CSNK1G3: variants seen among roughly 807,000 people sequenced by gnomAD.
CSNK1G3 encodes the protein casein kinase 1 gamma 3, also known as casein kinase I isoform gamma-3.
A neutral mutation model predicts 64.3 loss-of-function variants in CSNK1G3; 23 were observed. That is an observed-to-expected ratio of 0.36 (90% CI 0.26 to 0.51). The LOEUF is 0.51. Ranked by LOEUF, CSNK1G3 falls within the 20% of genes least tolerant of loss-of-function variation. The probability of loss-of-function intolerance (pLI) is 0.96; values close to 1 mark genes in which losing one functional copy is unlikely to be tolerated. For missense variants in CSNK1G3, 357 were observed against 510.5 expected, an observed-to-expected ratio of 0.70 and a Z score of 2.90; for synonymous variants, 158 against 162.2, an observed-to-expected ratio of 0.97 and a Z score of 0.20.
intron 1 of CSNK1G3, among the ~76,000 whole-genome samples, chr5:123,541,204 G>T (rs557405484): frequency 6.6e-6 from 1 of 151,674 alleles, no homozygotes; most frequent in Non-Finnish European, 1.5e-5. Flanking sequence ...TTTTAGTTTT[G>T]TTTTGCCTCG....
intron 1 of CSNK1G3, among the ~76,000 whole-genome samples, chr5:123,540,642 TA>T (rs1397843049): frequency 6.6e-5 from 10 of 152,182 alleles, no homozygotes; most frequent in African/African-American, 2.4e-4. Flanking sequence ...AATTATTTTT[TA>T]TTTTTTTGAG....
At chr5:123,585,381 GGAT>G (rs1430826911) in intron 6 of CSNK1G3, among the ~76,000 whole-genome samples, 4 of 151,832 alleles carry the variant, frequency 2.6e-5, no homozygotes, top group Non-Finnish European at 1.5e-5. Flanking sequence ...AGAAAAAACA[GGAT>G]AAAATCTTTG....
rs2151290434 is a variant in CSNK1G3, at chr5:123,614,190, A to G, written c.1218-152A>G. 3 of 597,516 alleles carry G rather than the reference A, an allele frequency of 5.0e-6. No homozygotes were observed. In the South Asian group the frequency reaches 7.3e-5, roughly 15 times the overall value. The allele number at this position is 597,516 out of a possible 1,614,324, so 37.0% of individuals were successfully genotyped here. ...AACATAATAGTAATAGCTCTGCCATATTTTCACTAATACGTATGCTTCATT... is the reference window on the plus strand; with the variant it reads ...AACATAATAGTAATAGCTCTGCCATGTTTTCACTAATACGTATGCTTCATT... On this transcript the variant is annotated intron_variant, in intron 12 of 12. Coordinates refer to ENST00000345990, the Ensembl canonical transcript of CSNK1G3.
At chr5:123,574,145 G>A (rs184044301) in intron 5 of CSNK1G3, among the ~76,000 whole-genome samples, 111 of 152,148 alleles carry the variant, frequency 7.3e-4, no homozygotes, top group African/African-American at 2.5e-3. Flanking sequence ...CACCGTGCCG[G>A]GCCAGAAACA....
At chr5:123,575,313 T>G (rs1327360316) in intron 5 of CSNK1G3, among the ~76,000 whole-genome samples, 1 of 152,216 alleles carries the variant, frequency 6.6e-6, no homozygotes, top group Non-Finnish European at 1.5e-5. Context: ...TTAAGTTTCT[T>G]TAATATACTT....
At chr5:123,548,586 A>G (rs998771394) in intron 2 of CSNK1G3, among the ~76,000 whole-genome samples, 2 of 151,752 alleles carry the variant, frequency 1.3e-5, no homozygotes, top group Admixed American at 6.6e-5. Context: ...TTTTATCTGG[A>G]TTCTGTTTTT....
chr5:123,565,850 A>G (rs745389974), intron 4 of CSNK1G3, among the ~76,000 whole-genome samples: 16 of 152,176 alleles, frequency 1.1e-4, no homozygotes, highest in Non-Finnish European at 2.4e-4. Context: ...TAAGAACTCA[A>G]AATCATGAGA....
At chr5:123,547,525 G>T (rs1264780588) in intron 2 of CSNK1G3, among the ~76,000 whole-genome samples, 1 of 152,076 alleles carries the variant, frequency 6.6e-6, no homozygotes, top group Non-Finnish European at 1.5e-5. Context: ...ATGAGAAACT[G>T]TATGTACCAT....
intron 12 of CSNK1G3, among the ~76,000 whole-genome samples, chr5:123,612,479 A>AT (rs200373188): frequency 0.012 from 1,676 of 138,412 alleles, 14 homozygotes; most frequent in Non-Finnish European, 0.017. Flanking sequence ...ACTTGAAGCT[A>AT]TTTTTTTTTT....
chr5:123,566,760 G>T (rs1402956499), intron 4 of CSNK1G3, among the ~76,000 whole-genome samples: 1 of 151,778 alleles, frequency 6.6e-6, no homozygotes, highest in Non-Finnish European at 1.5e-5. Flanking sequence ...GTTTTTCTTT[G>T]TGGTCCTAGA....
chr5:123,605,747 C>T (rs1465098509), intron 12 of CSNK1G3, among the ~76,000 whole-genome samples: 1 of 152,000 alleles, frequency 6.6e-6, no homozygotes, highest in Non-Finnish European at 1.5e-5. Context: ...TGTAGCAGAT[C>T]TCATCCCCCA....
chr5:123,521,093 T>A (rs529283886), intron 1 of CSNK1G3, among the ~76,000 whole-genome samples: 125 of 152,080 alleles, frequency 8.2e-4, no homozygotes, highest in Non-Finnish European at 1.5e-3. Context: ...ACAAAAATAG[T>A]CTAGTATTGT....
At chr5:123,583,525 T>G (rs1790745524) in intron 6 of CSNK1G3, among the ~76,000 whole-genome samples, 1 of 152,022 alleles carries the variant, frequency 6.6e-6, no homozygotes, top group Admixed American at 6.5e-5. Context: ...CATGCCCAGC[T>G]AATTTTTTTT....
intron 1 of CSNK1G3, among the ~76,000 whole-genome samples, chr5:123,533,418 A>G (rs1780268149): frequency 6.6e-6 from 1 of 151,920 alleles, no homozygotes; most frequent in African/African-American, 2.4e-5. Context: ...TTTTGAATCA[A>G]GTAGTATGAT....
chr5:123,546,749 T>C (rs1782596517), intron 2 of CSNK1G3, among the ~76,000 whole-genome samples: 1 of 152,174 alleles, frequency 6.6e-6, no homozygotes, highest in Admixed American at 6.6e-5. Flanking sequence ...TTTATGTTTA[T>C]GTATTCAACT....
chr5:123,609,081 G>A (rs973678373), intron 12 of CSNK1G3, among the ~76,000 whole-genome samples: 20 of 152,266 alleles, frequency 1.3e-4, no homozygotes, highest in Non-Finnish European at 2.2e-4. Flanking sequence ...GAACCAGTTG[G>A]AGGAGTAACT....
intron 10 of CSNK1G3, among the ~76,000 whole-genome samples, chr5:123,595,407 A>G (rs1218127293): frequency 6.6e-6 from 1 of 152,188 alleles, no homozygotes; most frequent in East Asian, 1.9e-4. Context: ...AACAAACGGT[A>G]TTATGCTTGA....
chr5:123,523,488 T>G (rs1778501494), intron 1 of CSNK1G3, among the ~76,000 whole-genome samples: 2 of 152,162 alleles, frequency 1.3e-5, no homozygotes, highest in African/African-American at 4.8e-5. Context: ...TTCAATTCAA[T>G]GAACATTTTT....
chr5:123,600,728 TGAC>T (rs1794338312), intron 10 of CSNK1G3, among the ~76,000 whole-genome samples: 1 of 152,162 alleles, frequency 6.6e-6, no homozygotes, highest in South Asian at 2.1e-4. Flanking sequence ...TAAAAATCAT[TGAC>T]AATAAAAATA....
Sources: gnomAD v4.1 joint callset for allele counts (sites outside exome capture counted in the v4.1 genomes callset) on GRCh38, gnomAD v4.1.1 for gene constraint, MANE v1.5 for transcripts, NCBI Gene and HGNC (gene_info 2026-07-23, HGNC 2026-07-21) for gene names.